ARL6IP6: variants seen among roughly 807,000 people sequenced by gnomAD.
ARL6IP6 encodes the protein ARF like GTPase 6 interacting protein 6, also known as ADP-ribosylation factor-like protein 6-interacting protein 6.
In ARL6IP6, 22 loss-of-function variants were observed where a neutral mutation model predicts 21.5. The ratio of observed to expected loss-of-function variants is 1.02; its 90% CI spans 0.73 to 1.46. ARL6IP6 has a LOEUF of 1.46. Among genes scored for constraint, ARL6IP6 ranks in the 40% most tolerant of loss-of-function variants. The probability of loss-of-function intolerance (pLI) is 0.00; values close to 1 mark genes in which losing one functional copy is unlikely to be tolerated. For synonymous variants in ARL6IP6, 164 were observed against 125.3 expected, an observed-to-expected ratio of 1.31 and a Z score of -2.06; for missense variants, 388 against 299.8, an observed-to-expected ratio of 1.29 and a Z score of -2.17.
intron 2 of ARL6IP6, among the ~76,000 whole-genome samples, chr2:152,726,992 A>G (rs905753793): frequency 2.0e-5 from 3 of 152,234 alleles, no homozygotes; most frequent in Admixed American, 2.0e-4. Context: ...TGTATTTACT[A>G]TGCTTCTTAT....
Position 152,718,804 on chromosome 2 carries a change from G to T in ARL6IP6, c.180G>T (p.Ser60=). ...QVARDLRAEF[S]AGAWSEPRKR... ...CCCGCGACCTGCGGGCGGAGTTCTCGGCTGGGGCGTGGTCAGAGCCCAGAA... is the reference window on the plus strand; with the variant it reads ...CCCGCGACCTGCGGGCGGAGTTCTCTGCTGGGGCGTGGTCAGAGCCCAGAA... Residue 60 remains serine, a synonymous_variant, in exon 1 of 4, where the codon TCG becomes TCT. Coordinates refer to ENST00000326446, the MANE Select transcript of ARL6IP6 (RefSeq NM_152522.7). 6.2e-7 allele frequency: 1 copy of T among 1,607,288 alleles called. No individual in the cohort carries two copies. Among genetic ancestry groups the T allele is most frequent in the South Asian group, 1.1e-5 (1 of 90,300 alleles).
intron 3 of ARL6IP6, among the ~76,000 whole-genome samples, chr2:152,741,717 T>G (rs895823859): frequency 2.0e-5 from 3 of 152,166 alleles, no homozygotes; most frequent in African/African-American, 7.2e-5. Context: ...AAATACAAGA[T>G]AGAGAACTTT....
chr2:152,752,487 A>G (rs1467830336), intron 3 of ARL6IP6, among the ~76,000 whole-genome samples: 1 of 152,238 alleles, frequency 6.6e-6, no homozygotes, highest in African/African-American at 2.4e-5. Context: ...AAAACCCTCA[A>G]AGTAACAAAG....
At chr2:152,719,099 TCCCTTTCC>T in intron 1 of ARL6IP6, 75 bp downstream of exon 1, 1 of 1,407,370 alleles carries the variant, frequency 7.1e-7, no homozygotes, top group Admixed American at 2.7e-5. Flanking sequence ...TCCACCCATC[TCCCTTTCC>T]CTCGCGCTAA....
At chr2:152,748,835 G>A (rs1701179767) in intron 3 of ARL6IP6, among the ~76,000 whole-genome samples, 1 of 152,188 alleles carries the variant, frequency 6.6e-6, no homozygotes, top group South Asian at 2.1e-4. Context: ...CTAACAGAGT[G>A]GAGTCTGGTG....
intron 2 of ARL6IP6, among the ~76,000 whole-genome samples, chr2:152,727,271 G>T (rs144001351): frequency 6.6e-6 from 1 of 152,302 alleles, no homozygotes; most frequent in African/African-American, 2.4e-5. Context: ...AGAAATAGAA[G>T]CTTATAGAGT....
chr2:152,736,814 G>A (rs901219152), intron 3 of ARL6IP6, among the ~76,000 whole-genome samples: 1 of 152,142 alleles, frequency 6.6e-6, no homozygotes, highest in African/African-American at 2.4e-5. Context: ...CTTTATATTA[G>A]GCATTATAAG....
Position 152,743,223 on chromosome 2 carries a change from G to A in ARL6IP6, c.587+8097G>A, listed in dbSNP as rs530933480. On this transcript the variant is annotated intron_variant, in intron 3 of 3. Transcript: ENST00000326446. Reference sequence around the variant, plus strand: ...CTAGTGGTGAAAGTATGTAGCTGCAGGTTAATAGTTATTCAGTGTGCTAGA... The same window carrying A: ...CTAGTGGTGAAAGTATGTAGCTGCAAGTTAATAGTTATTCAGTGTGCTAGA... 1.0e-3 allele frequency among the ~76,000 whole-genome samples: 157 copies of A among 152,136 alleles called. 1 individual carries two copies. The highest frequency in any genetic ancestry group is 3.7e-3 in the African/African-American group (153 of 41,488).
upstream of ARL6IP6, chr2:152,718,561 G>T (rs1699374238): frequency 2.7e-6 from 4 of 1,486,484 alleles, no homozygotes; most frequent in Non-Finnish European, 3.6e-6. Context: ...ATTGGCTGTT[G>T]CGGACCCGGG....
chr2:152,742,642 A>G (rs1171807577), intron 3 of ARL6IP6, among the ~76,000 whole-genome samples: 1 of 151,884 alleles, frequency 6.6e-6, no homozygotes, highest in Non-Finnish European at 1.5e-5. Context: ...AGAACTTTAA[A>G]GTCCTCTTGA....
intron 3 of ARL6IP6, among the ~76,000 whole-genome samples, chr2:152,735,483 A>G (rs915118216): frequency 2.6e-5 from 4 of 152,250 alleles, no homozygotes; most frequent in African/African-American, 9.6e-5. Flanking sequence ...ACACATGGTC[A>G]GACTTACAAG....
At chr2:152,730,047 C>G (rs1700234204) in intron 2 of ARL6IP6, among the ~76,000 whole-genome samples, 1 of 152,192 alleles carries the variant, frequency 6.6e-6, no homozygotes, top group Non-Finnish European at 1.5e-5. Flanking sequence ...ATAAACACTT[C>G]TAGACCACAA....
chr2:152,745,443 A>G (rs1307522363), intron 3 of ARL6IP6, among the ~76,000 whole-genome samples: 2 of 152,208 alleles, frequency 1.3e-5, no homozygotes, highest in Non-Finnish European at 2.9e-5. Context: ...GCATAAAATA[A>G]TATACGAGTG....
chr2:152,741,361 G>A (rs1192359038), intron 3 of ARL6IP6, among the ~76,000 whole-genome samples: 1 of 150,234 alleles, frequency 6.7e-6, no homozygotes. Flanking sequence ...TGTTAAAATA[G>A]TAGTCTTTTG....
In ARL6IP6 at chr2:152,733,776, T is replaced by A. The variant is rs146780370; in HGVS notation, c.455-1218T>A. Among the ~76,000 whole-genome samples, 891 of 152,316 alleles carry A rather than the reference T, an allele frequency of 5.8e-3. 6 individuals carry two copies. The highest frequency in any genetic ancestry group is 0.02 in the African/African-American group (852 of 41,568). ...GTAACATCTTATTTATTCAAAATAGTTATCACAATATATAGTTATCTTGTT... is the reference window on the plus strand; with the variant it reads ...GTAACATCTTATTTATTCAAAATAGATATCACAATATATAGTTATCTTGTT... On this transcript the variant is annotated intron_variant, in intron 2 of 3. Coordinates refer to ENST00000326446, the MANE Select transcript of ARL6IP6 (RefSeq NM_152522.7).
chr2:152,752,969 A>G (rs1401542892), intron 3 of ARL6IP6, among the ~76,000 whole-genome samples: 1 of 151,862 alleles, frequency 6.6e-6, no homozygotes, highest in Non-Finnish European at 1.5e-5. Context: ...TTAGGAGGTT[A>G]GCACAGATTG....
At chr2:152,727,260 T>G (rs1700090067) in intron 2 of ARL6IP6, among the ~76,000 whole-genome samples, 1 of 152,134 alleles carries the variant, frequency 6.6e-6, no homozygotes, top group Non-Finnish European at 1.5e-5. Flanking sequence ...ACTAAAAAAT[T>G]AGAAATAGAA....
chr2:152,732,699 T>A (rs1161155208), intron 2 of ARL6IP6: 2 of 285,360 alleles, frequency 7.0e-6, no homozygotes, highest in African/African-American at 2.3e-5. Context: ...GAGGAATTGG[T>A]TCCAGGACCC....
chr2:152,718,213 G>A, upstream of ARL6IP6: 1 of 455,652 alleles, frequency 2.2e-6, no homozygotes, highest in Non-Finnish European at 2.9e-6. Context: ...ATGTGTCTCC[G>A]AGGGCGCGAG....
Sources: gnomAD v4.1 joint callset for allele counts (sites outside exome capture counted in the v4.1 genomes callset) on GRCh38, gnomAD v4.1.1 for gene constraint, MANE v1.5 for transcripts, NCBI Gene and HGNC (gene_info 2026-07-23, HGNC 2026-07-21) for gene names.